The following RALYL variants were observed in gnomAD, a reference collection of about 807,000 sequenced individuals.
RALYL encodes the protein RALY RNA binding protein like, also known as RNA-binding Raly-like protein.
A neutral mutation model predicts 35.1 loss-of-function variants in RALYL; 29 were observed. The observed-to-expected ratio is 0.83, with a 90% CI of 0.61 to 1.13. RALYL has a LOEUF of 1.13. Among genes scored for constraint, RALYL ranks in the 50% most tolerant of loss-of-function variants. RALYL has a pLI of 0.00. For missense variants in RALYL, 359 were observed against 360.4 expected, an observed-to-expected ratio of 1.00 and a Z score of 0.03; for synonymous variants, 120 against 127.6, an observed-to-expected ratio of 0.94 and a Z score of 0.40.
chr8:84,602,268 T>C (rs979856131), intron 2 of RALYL, among the ~76,000 whole-genome samples: 2 of 152,162 alleles, frequency 1.3e-5, no homozygotes, highest in African/African-American at 2.4e-5. Context: ...TGTTTTCTAA[T>C]CTATTCACTT....
intron 7 of RALYL, 128 bp downstream of exon 7, chr8:84,873,525 G>A (rs1840602830): frequency 2.0e-6 from 1 of 488,894 alleles, no homozygotes; most frequent in Non-Finnish European, 3.7e-6. Context: ...TGCCAACAAT[G>A]TCTTTAAGCC....
chr8:84,507,266 G>A (rs2057253046), intron 1 of RALYL, among the ~76,000 whole-genome samples: 1 of 151,914 alleles, frequency 6.6e-6, no homozygotes, highest in Non-Finnish European at 1.5e-5. Flanking sequence ...ATTGACTGCA[G>A]GTACACAGAA....
intron 1 of RALYL, among the ~76,000 whole-genome samples, chr8:84,259,063 C>CT (rs1188308023): frequency 6.6e-6 from 1 of 152,144 alleles, no homozygotes; most frequent in Non-Finnish European, 1.5e-5. Flanking sequence ...TGGCCTAAGT[C>CT]TTAGCTCATT....
chr8:84,817,870 C>G (rs774474752), intron 4 of RALYL, among the ~76,000 whole-genome samples: 10 of 152,100 alleles, frequency 6.6e-5, no homozygotes, highest in Non-Finnish European at 1.0e-4. Context: ...TAACTCTTAA[C>G]AGCTGTTATG....
chr8:84,260,408 G>A (rs373234214), intron 1 of RALYL, among the ~76,000 whole-genome samples: 1 of 152,078 alleles, frequency 6.6e-6, no homozygotes, highest in African/African-American at 2.4e-5. Context: ...GCTGGTGGTC[G>A]GGCTGTGGTG....
At chr8:84,836,441 G>C (rs2134475017) in intron 4 of RALYL, among the ~76,000 whole-genome samples, 1 of 152,180 alleles carries the variant, frequency 6.6e-6, no homozygotes, top group East Asian at 1.9e-4. Flanking sequence ...GTCCCATTAG[G>C]TTTCTCCTCA....
intron 2 of RALYL, among the ~76,000 whole-genome samples, chr8:84,654,602 G>T (rs1167112183): frequency 5.3e-5 from 8 of 151,656 alleles, no homozygotes; most frequent in African/African-American, 1.9e-4. Flanking sequence ...CCTGCCTCTG[G>T]TAACTATCCT....
intron 8 of RALYL, among the ~76,000 whole-genome samples, chr8:84,893,609 C>G (rs768648109): frequency 3.9e-5 from 6 of 152,124 alleles, no homozygotes; most frequent in Non-Finnish European, 8.8e-5. Flanking sequence ...TTAGGCTAAT[C>G]CAGTGTTTTC....
chr8:84,626,125 A>G (rs977090575), intron 2 of RALYL, among the ~76,000 whole-genome samples: 9 of 152,234 alleles, frequency 5.9e-5, no homozygotes, highest in African/African-American at 2.2e-4. Context: ...TATAATAAAA[A>G]TGAGATAAGA....
chr8:84,814,359 A>T lies in RALYL; in HGVS notation c.365+9557A>T, dbSNP rs1196899162. 2.6e-5 allele frequency among the ~76,000 whole-genome samples: 4 copies of T among 152,188 alleles called. No homozygotes were observed. The East Asian group carries it at 7.7e-4, about 29-fold the overall frequency. On this transcript the variant is annotated intron_variant, in intron 4 of 8. Coordinates refer to ENST00000521268, the MANE Select transcript of RALYL (RefSeq NM_173848.7). ...AGTTATTATAATGGGGAAAGATAAAAATTGTCATGAAATGAGTTATCAAGC... is the reference window on the plus strand; with the variant it reads ...AGTTATTATAATGGGGAAAGATAAATATTGTCATGAAATGAGTTATCAAGC...
At chr8:84,722,617 T>TTATATATATATATATATATATATATATA (rs71823678) in intron 2 of RALYL, among the ~76,000 whole-genome samples, 2 of 97,364 alleles carry the variant, frequency 2.1e-5, no homozygotes, top group African/African-American at 1.0e-4. Flanking sequence ...TAGAGTGATT[T>TTATATATATATATATATATATATATATA]TATATATATA....
At chr8:84,739,605 T>C (rs1301226799) in intron 2 of RALYL, among the ~76,000 whole-genome samples, 1 of 151,756 alleles carries the variant, frequency 6.6e-6, no homozygotes, top group Non-Finnish European at 1.5e-5. Flanking sequence ...ATACACAATA[T>C]ATGTATGTAT....
intron 2 of RALYL, among the ~76,000 whole-genome samples, chr8:84,738,310 T>C (rs1198633450): frequency 6.6e-6 from 1 of 151,954 alleles, no homozygotes; most frequent in Non-Finnish European, 1.5e-5. Flanking sequence ...AAAAAAGTCC[T>C]CAAGAGACAT....
rs181354039 is a variant in RALYL, at chr8:84,752,379, A to G, written c.257-22200A>G. On this transcript the variant is annotated intron_variant, in intron 2 of 8. Transcript: ENST00000521268. Reference sequence around the variant, plus strand: ...TTACCTGAAACTGGAACTTATATTTAAAAGGGAAGCAGAGCATAAAATTTG... The same window carrying G: ...TTACCTGAAACTGGAACTTATATTTGAAAGGGAAGCAGAGCATAAAATTTG... Among the ~76,000 whole-genome samples the G allele has an allele frequency of 3.3e-5, 5 of 152,342 alleles. No homozygotes were observed. The East Asian group carries it at 9.6e-4, about 29-fold the overall frequency.
chr8:84,896,062 T>C, intron 8 of RALYL, among the ~76,000 whole-genome samples: 1 of 152,128 alleles, frequency 6.6e-6, no homozygotes, highest in East Asian at 1.9e-4. Context: ...ATGTGCTTCT[T>C]CTACCTGCCC....
chr8:84,845,990 G>T (rs1197387619), intron 4 of RALYL, among the ~76,000 whole-genome samples: 1 of 152,054 alleles, frequency 6.6e-6, no homozygotes, highest in African/African-American at 2.4e-5. Flanking sequence ...CTGTTCCATT[G>T]GTCTATTGTC....
At chr8:84,258,132 T>G (rs547228090) in intron 1 of RALYL, among the ~76,000 whole-genome samples, 1 of 152,270 alleles carries the variant, frequency 6.6e-6, no homozygotes, top group South Asian at 2.1e-4. Flanking sequence ...TACGTAGTGT[T>G]GTTTATCAGG....
intron 8 of RALYL, among the ~76,000 whole-genome samples, chr8:84,914,741 T>A (rs1202561930): frequency 6.6e-6 from 1 of 152,026 alleles, no homozygotes; most frequent in Non-Finnish European, 1.5e-5. Flanking sequence ...TGATTTTTAA[T>A]TAGTTCAAAA....
At chr8:84,830,506 G>A (rs1459749162) in intron 4 of RALYL, among the ~76,000 whole-genome samples, 1 of 152,048 alleles carries the variant, frequency 6.6e-6, no homozygotes. Context: ...GGTTGCAGCA[G>A]GACAATGGAA....
Sources: gnomAD v4.1 joint callset for allele counts (sites outside exome capture counted in the v4.1 genomes callset) on GRCh38, gnomAD v4.1.1 for gene constraint, MANE v1.5 for transcripts, NCBI Gene and HGNC (gene_info 2026-07-23, HGNC 2026-07-21) for gene names.